Variants in SLC16A12 observed in about 807,000 individuals in gnomAD.
SLC16A12 encodes solute carrier family 16 member 12.
In SLC16A12, 17 loss-of-function variants were observed where a neutral mutation model predicts 42.4. The observed-to-expected ratio is 0.40, with a 90% CI of 0.27 to 0.60. The LOEUF (loss-of-function observed/expected upper bound fraction) is 0.60, where lower values mean the gene tolerates loss of function less well. Ranked by LOEUF, SLC16A12 falls within the 20% of genes least tolerant of loss-of-function variation. SLC16A12 has a pLI of 0.42. For missense variants in SLC16A12, 544 were observed against 623.0 expected (o/e 0.87, Z 1.35); for synonymous variants, 224 against 229.4 (o/e 0.98, Z 0.21).
chr10:89,430,690 A>G lies in SLC16A12; in HGVS notation c.*2374T>C, dbSNP rs1258861817. 2.1e-6 allele frequency: 1 copy of G among 465,610 alleles called. No homozygotes were observed. The highest frequency in any genetic ancestry group is 2.4e-5 in the Admixed American group (1 of 40,852). The allele number at this position is 465,610 out of a possible 1,614,324, so 28.8% of individuals were successfully genotyped here. On this transcript the variant is annotated 3_prime_UTR_variant, in exon 8 of 8. Transcript: ENST00000371790. ...TTCTAAAAATGCTGCCTCAAAAGGG[A>G]AAGTAAAATGCAAATCTATGCATGT...
At chr10:89,481,394 G>A (rs533451940) in intron 2 of SLC16A12, among the ~76,000 whole-genome samples, 3 of 151,912 alleles carry the variant, frequency 2.0e-5, no homozygotes, top group Non-Finnish European at 4.4e-5. Context: ...TATACTTGGC[G>A]TAGTTGACAT....
upstream of SLC16A12, among the ~76,000 whole-genome samples, chr10:89,539,945 T>C (rs1484790896): frequency 6.7e-6 from 1 of 149,198 alleles, no homozygotes; most frequent in Non-Finnish European, 1.5e-5. Context: ...TACTTCCTTC[T>C]TTCTCTTTCT....
At chr10:89,478,183 C>T (rs1257024223) in intron 2 of SLC16A12, among the ~76,000 whole-genome samples, 2 of 152,102 alleles carry the variant, frequency 1.3e-5, no homozygotes, top group Non-Finnish European at 2.9e-5. Flanking sequence ...AGAGCAGTTA[C>T]TAGAATCTTG....
intron 2 of SLC16A12, among the ~76,000 whole-genome samples, chr10:89,516,786 T>G (rs1042218499): frequency 6.6e-6 from 1 of 152,216 alleles, no homozygotes; most frequent in African/African-American, 2.4e-5. Context: ...AACGTTCTGT[T>G]TAAGAGTTTT....
rs1362787288 is a variant in SLC16A12, at chr10:89,542,297, TTTTTTTTTC to T, written c.-47+13576_-47+13584del. Among the ~76,000 whole-genome samples, 75 of 116,856 alleles carry T rather than the reference TTTTTTTTTC, an allele frequency of 6.4e-4. 1 individual carries two copies. Among genetic ancestry groups the T allele is most frequent in the African/African-American group, 3.5e-3 (72 of 20,766 alleles). 76.7% of individuals were successfully genotyped at this position (116,856 alleles called of 152,430 possible). A position where few individuals can be genotyped will look rare whatever the true frequency, so the allele number is the denominator to read the frequency against. ...AGCAAATTTCTTCTGTTATATTTTC[TTTTTTTTTC>T]TTTTTTTTTTTTTTGAGATAGAGTC... is the stretch of plus-strand genomic sequence containing the variant. On this transcript the variant is annotated intron_variant, in intron 2 of 2. Transcript: ENST00000475682.
At chr10:89,536,188 T>C (rs1004003765), upstream of SLC16A12, among the ~76,000 whole-genome samples, 5 of 152,170 alleles carry the variant, frequency 3.3e-5, no homozygotes, top group African/African-American at 1.2e-4. Flanking sequence ...AAAAGAACTT[T>C]TCCCCTCAGG....
chr10:89,440,995 CAACTAAATTATGCATCTAACAAAAT>C (rs1841899134), intron 5 of SLC16A12, 88 bp downstream of exon 5: 1 of 1,341,490 alleles, frequency 7.5e-7, no homozygotes, highest in African/African-American at 1.4e-5. Context: ...TAAGCTAGGT[CAACTAAATTATGCATCTAACAAAAT>C]GAATATTTTA....
chr10:89,499,449 G>A (rs2900649), intron 2 of SLC16A12, among the ~76,000 whole-genome samples: 11,991 of 152,178 alleles, frequency 0.079, 1,152 homozygotes, highest in East Asian at 0.45. Flanking sequence ...AGCTACTCGG[G>A]AGGCTGAGGC....
intron 2 of SLC16A12, among the ~76,000 whole-genome samples, chr10:89,524,333 C>T (rs1037816000): frequency 2.0e-5 from 3 of 152,144 alleles, no homozygotes; most frequent in African/African-American, 7.2e-5. Context: ...AAATCAAAAC[C>T]CCTTGGTGGT....
intron 2 of SLC16A12, among the ~76,000 whole-genome samples, chr10:89,518,968 A>G (rs1843303302): frequency 6.6e-6 from 1 of 152,204 alleles, no homozygotes; most frequent in African/African-American, 2.4e-5. Context: ...AATATACACT[A>G]TGATCACAAC....
intron 2 of SLC16A12, among the ~76,000 whole-genome samples, chr10:89,491,522 T>A (rs920837008): frequency 4.6e-4 from 69 of 151,570 alleles, no homozygotes; most frequent in Admixed American, 1.5e-3. Flanking sequence ...TTTTTTTTTT[T>A]AAATTAATTC....
intron 6 of SLC16A12, among the ~76,000 whole-genome samples, 161 bp from the exon 7 acceptor site, chr10:89,436,480 G>A (rs1020733911): frequency 6.6e-6 from 1 of 152,080 alleles, no homozygotes; most frequent in Admixed American, 6.5e-5. Context: ...TTTTGCAAAT[G>A]CAAGAATTCA....
In SLC16A12 at chr10:89,505,798, C is replaced by T. The variant is rs542066212; in HGVS notation, c.-47+28703G>A. Among the ~76,000 whole-genome samples the T allele has an allele frequency of 4.2e-3, 635 of 152,284 alleles. 3 individuals are homozygous for T. The highest frequency in any genetic ancestry group is 5.6e-3 in the Non-Finnish European group (382 of 68,010). Reference sequence around the variant, plus strand: ...CTCTGGTGCCTGGCTCAGCAGGTTCCACGCCCACAGAGCCTAGCAAACTAA... The same window carrying T: ...CTCTGGTGCCTGGCTCAGCAGGTTCTACGCCCACAGAGCCTAGCAAACTAA... On this transcript the variant is annotated intron_variant, in intron 2 of 7. Transcript: ENST00000371790.
At chr10:89,462,738 CT>C in intron 2 of SLC16A12, 114 bp from the exon 3 acceptor site, 6 of 1,154,124 alleles carry the variant, frequency 5.2e-6, no homozygotes, top group Middle Eastern at 2.9e-4. Context: ...GTATTTGTAA[CT>C]ATGAATACTA....
intron 3 of SLC16A12, among the ~76,000 whole-genome samples, chr10:89,444,500 A>G (rs770830332): frequency 7.9e-5 from 12 of 152,256 alleles, no homozygotes; most frequent in Non-Finnish European, 1.2e-4. Context: ...AGTCTTAAAA[A>G]TGATGATGTT....
chr10:89,440,975 T>TA (rs1164691742), intron 5 of SLC16A12, 133 bp downstream of exon 5: 1 of 1,058,760 alleles, frequency 9.4e-7, no homozygotes, highest in African/African-American at 1.6e-5. Context: ...AACTGCTAGG[T>TA]AGGTAGACAT....
chr10:89,539,902 T>TTTCTTTCTTTCTTTCC (rs1491094652), upstream of SLC16A12, among the ~76,000 whole-genome samples: 49 of 148,092 alleles, frequency 3.3e-4, no homozygotes, highest in African/African-American at 1.1e-3. Flanking sequence ...TCTTTCTTTC[T>TTTCTTTCTTTCTTTCC]TTCTTTCTTT....
chr10:89,525,220 C>CAAAA (rs869295721), intron 2 of SLC16A12, among the ~76,000 whole-genome samples: 132 of 64,608 alleles, frequency 2.0e-3, no homozygotes, highest in Middle Eastern at 0.013. Flanking sequence ...GACACCATAT[C>CAAAA]AAAAAAAAAA....
chr10:89,504,057 A>T (rs1843025256), intron 2 of SLC16A12, among the ~76,000 whole-genome samples: 1 of 152,098 alleles, frequency 6.6e-6, no homozygotes, highest in African/African-American at 2.4e-5. Context: ...CCAATACACA[A>T]TTTTCTCAGC....
Sources: gnomAD v4.1 joint callset for allele counts (sites outside exome capture counted in the v4.1 genomes callset) on GRCh38, gnomAD v4.1.1 for gene constraint, MANE v1.5 for transcripts, NCBI Gene and HGNC (gene_info 2026-07-23, HGNC 2026-07-21) for gene names.